NIPAL3: variants seen among roughly 807,000 people sequenced by gnomAD.
NIPAL3 encodes the protein NIPA like domain containing 3, also known as NIPA-like protein 3.
Under a neutral mutation model 47.2 loss-of-function variants are expected in NIPAL3, and 41 were observed. The observed-to-expected ratio is 0.87, with a 90% CI of 0.68 to 1.13. The LOEUF (loss-of-function observed/expected upper bound fraction) is 1.13. Among genes scored for constraint, NIPAL3 ranks in the 50% most tolerant of loss-of-function variants. The probability of loss-of-function intolerance (pLI) is 0.00; values close to 1 mark genes in which losing one functional copy is unlikely to be tolerated. For missense variants in NIPAL3, 449 were observed against 530.1 expected (o/e 0.85, Z 1.50); for synonymous variants, 194 against 209.6 (o/e 0.93, Z 0.64).
chr1:24,446,155 T>TTAGGTTG (rs1645654359), intron 5 of NIPAL3, among the ~76,000 whole-genome samples: 2 of 151,668 alleles, frequency 1.3e-5, no homozygotes, highest in Admixed American at 1.3e-4. Flanking sequence ...TGAAATAATT[T>TTAGGTTG]TAGGTTGTAG....
rs147873670 is a variant in NIPAL3 at position 24,424,995 on chromosome 1, T to A, written c.93+5355T>A. 2.6e-5 allele frequency among the ~76,000 whole-genome samples: 4 copies of A among 152,338 alleles called. No individual in the cohort carries two copies. In the East Asian group the frequency reaches 7.7e-4, roughly 29 times the overall value. On this transcript the variant is annotated intron_variant, in intron 2 of 11. Transcript: ENST00000374399. ...GCCTTTGAGTTTCAGCCCTGCCCTC[T>A]GCCCTGCCCATCAGCGTATAAATTT...
In NIPAL3 at chr1:24,442,168, C is replaced by T. The variant is rs1439289533; in HGVS notation, c.276C>T (p.Ala92=). 1.9e-6 allele frequency: 3 copies of T among 1,614,156 alleles called. No individual in the cohort carries two copies. The highest frequency in any genetic ancestry group is 2.5e-6 in the Non-Finnish European group (3 of 1,180,032). ...LMLLGELGVF[A]SYAFAPLSLI... ...TTCTGGGCGAGCTGGGTGTGTTCGCCTCCTACGCCTTCGCGCCGCTGTCAC... is the reference window on the plus strand; with the variant it reads ...TTCTGGGCGAGCTGGGTGTGTTCGCTTCCTACGCCTTCGCGCCGCTGTCAC... The change falls in exon 4 of 12, where the codon GCC becomes GCT. Residue 92 remains alanine (A), a synonymous_variant. Coordinates refer to ENST00000374399, the MANE Select transcript of NIPAL3 (RefSeq NM_020448.5).
chr1:24,441,611 G>A (rs1047435276), intron 3 of NIPAL3, among the ~76,000 whole-genome samples: 2 of 152,158 alleles, frequency 1.3e-5, no homozygotes, highest in East Asian at 2.0e-4. Context: ...GGAGTGTGCC[G>A]AACACACAGT....
Position 24,454,266 on chromosome 1 carries a change from G to A in NIPAL3, c.637+762G>A, listed in dbSNP as rs551164236. The A allele has an allele frequency of 7.4e-5, 86 of 1,164,480 alleles. No homozygotes were observed. The highest frequency in any genetic ancestry group is 1.5e-4 in the South Asian group (9 of 59,154). The allele number at this position is 1,164,480 out of a possible 1,614,324, so 72.1% of individuals were successfully genotyped here. A position where few individuals can be genotyped will look rare whatever the true frequency, so the allele number is the denominator to read the frequency against. On this transcript the variant is annotated intron_variant, in intron 7 of 11. Coordinates refer to ENST00000374399, the MANE Select transcript of NIPAL3 (RefSeq NM_020448.5). The surrounding 1 kb of genome is among the most constrained non-coding windows in gnomAD (Gnocchi z 4.1). ...TTCCTGAGGAGAAGCAGACAGAGGC[G>A]GAGGAGCAGGCTGGTGTCAGGGCTG...
At chr1:24,442,491 C>T (rs1370343285) in intron 4 of NIPAL3, among the ~76,000 whole-genome samples, 2 of 152,220 alleles carry the variant, frequency 1.3e-5, no homozygotes, top group Non-Finnish European at 2.9e-5. Flanking sequence ...AATGAAATTA[C>T]TTTCCCCAAA....
At chr1:24,452,853 A>T (rs1424450743) in intron 6 of NIPAL3, among the ~76,000 whole-genome samples, 1 of 124,188 alleles carries the variant, frequency 8.1e-6, no homozygotes, top group Non-Finnish European at 1.6e-5. Flanking sequence ...CGCCCAGCTA[A>T]TTTTTTTTTT....
chr1:24,427,562 TA>T (rs1644649215), intron 2 of NIPAL3, among the ~76,000 whole-genome samples: 1 of 152,158 alleles, frequency 6.6e-6, no homozygotes, highest in Non-Finnish European at 1.5e-5. Context: ...CTGATAAGGT[TA>T]TTTTTTTTTC....
In NIPAL3 at chr1:24,445,779, A is replaced by G. The variant is rs1025881339; in HGVS notation, c.394+535A>G. The stretch of plus-strand genomic sequence containing the variant: ...GTTTACAGAGTGGAGACACTTAGCC[A>G]GAATTATTGCCTCACATAGTTTGGG... On this transcript the variant is annotated intron_variant, in intron 5 of 11. Transcript: ENST00000374399. Among the ~76,000 whole-genome samples, 4 of 152,212 alleles carry G rather than the reference A, an allele frequency of 2.6e-5. No homozygotes were observed. The East Asian group carries it at 7.7e-4, about 29-fold the overall frequency.
At chr1:24,438,088 A>G (rs916572231) in intron 2 of NIPAL3, among the ~76,000 whole-genome samples, 1 of 152,124 alleles carries the variant, frequency 6.6e-6, no homozygotes, top group Non-Finnish European at 1.5e-5. Flanking sequence ...CTTTAACTAC[A>G]TGGTGCTTTT....
intron 1 of NIPAL3, among the ~76,000 whole-genome samples, chr1:24,418,580 T>C (rs878751): frequency 0.7 from 105,838 of 152,148 alleles, 37,753 homozygotes; most frequent in African/African-American, 0.88. Context: ...GCACTCCAGC[T>C]TGGATGACAG....
intron 9 of NIPAL3, among the ~76,000 whole-genome samples, chr1:24,459,632 A>G (rs992603109): frequency 6.6e-6 from 1 of 152,248 alleles, no homozygotes; most frequent in African/African-American, 2.4e-5. Context: ...TGCTCTGCCA[A>G]CACTTAAGAC....
rs1272203787 is a variant in NIPAL3, at chr1:24,433,590, ACT to A, written c.94-6576_94-6575del. Among the ~76,000 whole-genome samples, 4 of 152,026 alleles carry A rather than the reference ACT, an allele frequency of 2.6e-5. No homozygotes were observed. In the East Asian group the frequency reaches 5.8e-4, roughly 22 times the overall value. The stretch of plus-strand genomic sequence containing the variant: ...TTTGACATTCCACCTTTTTCTGAGC[ACT>A]CTCTCAATTATTGCCATTTATTTGT... On this transcript the variant is annotated intron_variant, in intron 2 of 11. Transcript: ENST00000374399.
intron 4 of NIPAL3, among the ~76,000 whole-genome samples, chr1:24,442,807 A>G (rs1445536297): frequency 6.6e-6 from 1 of 152,132 alleles, no homozygotes; most frequent in East Asian, 1.9e-4. Context: ...CAAACAAACA[A>G]AAAAGAAAAA....
At chr1:24,448,047 A>G (rs1202139628) in intron 5 of NIPAL3, among the ~76,000 whole-genome samples, 1 of 152,220 alleles carries the variant, frequency 6.6e-6, no homozygotes. Flanking sequence ...GACCTACTTT[A>G]TTGAGTTTAA....
chr1:24,426,587 C>T (rs891185620), intron 2 of NIPAL3, among the ~76,000 whole-genome samples: 8 of 152,270 alleles, frequency 5.3e-5, no homozygotes, highest in Middle Eastern at 3.4e-3. Context: ...ATATAAGGCT[C>T]CTGGTAGTTG....
At chr1:24,442,374 C>A (rs963209992) in intron 4 of NIPAL3, 148 bp downstream of exon 4, 5 of 759,728 alleles carry the variant, frequency 6.6e-6, no homozygotes, top group Admixed American at 6.0e-5. Flanking sequence ...ACACACCAGG[C>A]CCTGTAAGTG....
At chr1:24,446,878 C>A (rs1300514725) in intron 5 of NIPAL3, among the ~76,000 whole-genome samples, 1 of 152,160 alleles carries the variant, frequency 6.6e-6, no homozygotes. Context: ...AACTAATTTA[C>A]ACAAGGAGGT....
chr1:24,443,736 A>G (rs1476161901), intron 4 of NIPAL3, among the ~76,000 whole-genome samples: 1 of 152,202 alleles, frequency 6.6e-6, no homozygotes, highest in African/African-American at 2.4e-5. Flanking sequence ...CCCACACAGT[A>G]CTTTTTTAAT....
chr1:24,472,139 C>T lies in NIPAL3; in HGVS notation c.*2954C>T, dbSNP rs1646927504. On this transcript the variant is annotated 3_prime_UTR_variant, in exon 12 of 12. Coordinates refer to ENST00000374399, the MANE Select transcript of NIPAL3 (RefSeq NM_020448.5). ...TGGGGACAGTGCCACCCAGGAACTG[C>T]TGCTGAGGCCTGGGAAGCTCCCTTG... 1 of 152,018 alleles carries T rather than the reference C, an allele frequency of 6.6e-6. No individual in the cohort carries two copies. The highest frequency in any genetic ancestry group is 2.1e-4 in the South Asian group (1 of 4,824). The allele number at this position is 152,018 out of a possible 1,614,324, so 9.4% of individuals were successfully genotyped here. A position where few individuals can be genotyped will look rare whatever the true frequency, so the allele number is the denominator to read the frequency against.
Sources: gnomAD v4.1 joint callset for allele counts (sites outside exome capture counted in the v4.1 genomes callset) on GRCh38, gnomAD v4.1.1 for gene constraint, Gnocchi (gnomAD v3.1) non-coding constraint, MANE v1.5 for transcripts, NCBI Gene and HGNC (gene_info 2026-07-23, HGNC 2026-07-21) for gene names.